ANK2: variants seen among roughly 807,000 people sequenced by gnomAD.
ANK2 encodes ankyrin 2.
A neutral mutation model predicts 360.5 loss-of-function variants in ANK2; 83 were observed. That is an observed-to-expected ratio of 0.23 (90% CI 0.19 to 0.28). The LOEUF (loss-of-function observed/expected upper bound fraction) is 0.28, where lower values mean the gene tolerates loss of function less well. Ranked by LOEUF, ANK2 falls within the 10% of genes least tolerant of loss-of-function variation. The pLI, the probability that ANK2 is intolerant of heterozygous loss-of-function variation, is 1.00. For synonymous variants in ANK2, 1,740 were observed against 1,759.5 expected, an observed-to-expected ratio of 0.99 and a Z score of 0.28; for missense variants, 4,201 against 4,795.7, an observed-to-expected ratio of 0.88 and a Z score of 3.66.
the ANK2 span, among the ~76,000 whole-genome samples, chr4:112,796,465 T>TACACAC: frequency 0.3 from 45,498 of 150,240 alleles, 6,958 homozygotes; most frequent in Admixed American, 0.33. Context: ...TCTATATATA[T>TACACAC]ACACACACAC....
chr4:113,089,209 A>C (rs2086472241), intron 1 of ANK2, among the ~76,000 whole-genome samples: 1 of 152,210 alleles, frequency 6.6e-6, no homozygotes, highest in Admixed American at 6.5e-5. Context: ...CTACCTCTTG[A>C]TGGGAGGAAC....
At position 113,117,394 on chromosome 4, in the gene ANK2, A is replaced by C. The variant is rs1017475184; in HGVS notation, c.85-57022A>C. ...GAAAAAAACAACGGAAAATCCCCAGAGAACGTATGGAACGAAAAAGAAAGG... is the reference window on the plus strand; with the variant it reads ...GAAAAAAACAACGGAAAATCCCCAGCGAACGTATGGAACGAAAAAGAAAGG... On this transcript the variant is annotated intron_variant, in intron 1 of 45. Coordinates refer to ENST00000357077, the MANE Select transcript of ANK2 (RefSeq NM_001148.6). The C allele has an allele frequency of 1.3e-5, 6 of 456,156 alleles. No individual in the cohort carries two copies. Among genetic ancestry groups the C allele is most frequent in the Middle Eastern group, 3.2e-4 (1 of 3,098 alleles). The allele number at this position is 456,156 out of a possible 1,614,324, so 28.3% of individuals were successfully genotyped here. A position where few individuals can be genotyped will look rare whatever the true frequency, so the allele number is the denominator to read the frequency against.
chr4:113,233,648 A>G (rs1270119214), intron 5 of ANK2, among the ~76,000 whole-genome samples: 2 of 152,016 alleles, frequency 1.3e-5, no homozygotes, highest in African/African-American at 4.8e-5. Flanking sequence ...GTAATAAATC[A>G]TTTTCCAGTC....
At chr4:113,057,071 A>G (rs750821890) in intron 1 of ANK2, among the ~76,000 whole-genome samples, 7 of 152,202 alleles carry the variant, frequency 4.6e-5, no homozygotes, top group Non-Finnish European at 1.0e-4. Flanking sequence ...TGCTGAGTGT[A>G]TAGCACTGTG....
At chr4:112,781,621 T>A in the ANK2 span, among the ~76,000 whole-genome samples, 9 of 152,050 alleles carry the variant, frequency 5.9e-5, no homozygotes, top group African/African-American at 2.2e-4. Flanking sequence ...TTTTTAAAAA[T>A]CATAAAAAAC....
chr4:112,882,893 C>G (rs2077096745), intron 1 of ANK2, among the ~76,000 whole-genome samples: 2 of 151,814 alleles, frequency 1.3e-5, no homozygotes, highest in Admixed American at 1.3e-4. Flanking sequence ...TAACAAAATA[C>G]ATTGGAGTGC....
chr4:113,205,883 G>A (rs1037753163), intron 4 of ANK2, among the ~76,000 whole-genome samples: 12 of 152,112 alleles, frequency 7.9e-5, no homozygotes, highest in Non-Finnish European at 1.5e-4. Flanking sequence ...GGCTCTGAAA[G>A]CAAAAACTTG....
intron 1 of ANK2, among the ~76,000 whole-genome samples, chr4:112,831,222 G>T (rs1254336668): frequency 6.6e-6 from 1 of 152,242 alleles, no homozygotes; most frequent in Non-Finnish European, 1.5e-5. Flanking sequence ...AGGCAGCTCT[G>T]CCCACGGCCC....
In ANK2 at chr4:113,270,815, C is replaced by G. The variant is rs183037894; in HGVS notation, c.1486-3637C>G. Reference sequence around the variant, plus strand: ...GGCTGCTGATTTTGGGATTATGTTTCAAGCAGCAAGAAGTTAGGGTTTTCC... The same window carrying G: ...GGCTGCTGATTTTGGGATTATGTTTGAAGCAGCAAGAAGTTAGGGTTTTCC... On this transcript the variant is annotated intron_variant, in intron 14 of 45. Coordinates refer to ENST00000357077, the MANE Select transcript of ANK2 (RefSeq NM_001148.6). Among the ~76,000 whole-genome samples, 26 of 152,290 alleles carry G rather than the reference C, an allele frequency of 1.7e-4. No individual in the cohort carries two copies. In the East Asian group the frequency reaches 4.6e-3, roughly 27 times the overall value.
intron 1 of ANK2, among the ~76,000 whole-genome samples, chr4:113,166,787 T>A (rs1219315770): frequency 2.0e-5 from 3 of 152,116 alleles, no homozygotes; most frequent in Admixed American, 6.5e-5. Context: ...ATTTAACAAC[T>A]GAGATCTCTG....
Position 113,278,514 on chromosome 4 carries a change from C to T in ANK2, c.1837C>T (p.Leu613=). The change falls in exon 17 of 46, where the codon CTG becomes TTG. Residue 613 remains leucine, a synonymous_variant. Transcript: ENST00000357077. Reference sequence around the variant, plus strand: ...TCATTATGACAACCAGAAGGTGGCGCTGCTGTTACTGGAGAAGGGTGCTTC... The same window carrying T: ...TCATTATGACAACCAGAAGGTGGCGTTGCTGTTACTGGAGAAGGGTGCTTC... ...AAHYDNQKVA[L]LLLEKGASPH... The T allele has an allele frequency of 6.2e-7, 1 of 1,614,020 alleles. No individual in the cohort carries two copies. Among genetic ancestry groups the T allele is most frequent in the South Asian group, 1.1e-5 (1 of 91,080 alleles).
At chr4:112,718,215 G>A in the ANK2 span, among the ~76,000 whole-genome samples, 1 of 152,214 alleles carries the variant, frequency 6.6e-6, no homozygotes, top group Admixed American at 6.5e-5. Context: ...ATGGGGCAAG[G>A]CTGAGCCTGA....
At chr4:112,787,343 G>A in the ANK2 span, among the ~76,000 whole-genome samples, 1 of 152,166 alleles carries the variant, frequency 6.6e-6, no homozygotes, top group Non-Finnish European at 1.5e-5. Context: ...CCTCTATTCA[G>A]GGTAGACTTG....
At position 113,332,014 on chromosome 4, in the gene ANK2, A is replaced by G. The variant is rs1341467226; in HGVS notation, c.3168A>G (p.Gly1056=). The change falls in exon 28 of 46, where the codon GGA becomes GGG. Residue 1056 remains glycine, a synonymous_variant. Coordinates refer to ENST00000357077, the MANE Select transcript of ANK2 (RefSeq NM_001148.6). ...CGGCTCCTCCCCCACTTAATGAGGG[A>G]GAAAGTTTGGTCAGCCGCATTCTTC... The part of the protein sequence containing the change: ...LPTAPPPLNE[G]ESLVSRILQL... 2 of 1,614,008 alleles carry G rather than the reference A, an allele frequency of 1.2e-6. No individual in the cohort carries two copies. Among genetic ancestry groups the G allele is most frequent in the South Asian group, 1.1e-5 (1 of 91,078 alleles).
chr4:112,985,557 C>T (rs992995976), intron 2 of ANK2, among the ~76,000 whole-genome samples: 1 of 152,158 alleles, frequency 6.6e-6, no homozygotes, highest in Admixed American at 6.5e-5. Context: ...AAGTGGTTCT[C>T]ATCTGAAGAT....
intron 1 of ANK2, among the ~76,000 whole-genome samples, chr4:113,122,353 G>C (rs1483776495): frequency 6.6e-6 from 1 of 152,056 alleles, no homozygotes; most frequent in Non-Finnish European, 1.5e-5. Flanking sequence ...CAAGAACCAT[G>C]TATGCACAAA....
intron 1 of ANK2, among the ~76,000 whole-genome samples, chr4:113,132,600 T>C (rs2096120333): frequency 6.6e-6 from 1 of 152,152 alleles, no homozygotes; most frequent in African/African-American, 2.4e-5. Context: ...ATGAGATAGA[T>C]GGCTCTGACA....
intron 27 of ANK2, among the ~76,000 whole-genome samples, chr4:113,330,730 C>A (rs1361753939): frequency 6.6e-6 from 1 of 152,168 alleles, no homozygotes; most frequent in East Asian, 1.9e-4. Context: ...GCCAGACCCC[C>A]AATGTGAATA....
chr4:112,846,404 C>T lies in ANK2; in HGVS notation c.-40+28140C>T, dbSNP rs1011996121. Among the ~76,000 whole-genome samples the T allele has an allele frequency of 3.9e-5, 6 of 152,284 alleles. No homozygotes were observed. In the South Asian group the frequency reaches 1.2e-3, roughly 32 times the overall value. On this transcript the variant is annotated intron_variant, in intron 1 of 30. Coordinates refer to the ANK2 transcript ENST00000503271. Reference sequence around the variant, plus strand: ...AGCTAGGATTACAGACATGAGCCACCGCACCCAACCCTATTAACTTTTAAT... The same window carrying T: ...AGCTAGGATTACAGACATGAGCCACTGCACCCAACCCTATTAACTTTTAAT...
Sources: allele counts gnomAD v4.1 joint callset (sites outside exome capture counted in the v4.1 genomes callset), GRCh38; gene constraint gnomAD v4.1.1; transcripts MANE v1.5; gene names NCBI Gene and HGNC (gene_info 2026-07-23, HGNC 2026-07-21).